Variants in NRG3 observed in about 807,000 individuals in gnomAD.
NRG3 encodes pro-neuregulin-3, membrane-bound isoform.
Under a neutral mutation model 66.9 loss-of-function variants are expected in NRG3, and 31 were observed. The observed-to-expected ratio is 0.46, with a 90% confidence interval of 0.35 to 0.63. The LOEUF (loss-of-function observed/expected upper bound fraction) is 0.63, where lower values mean the gene tolerates loss of function less well. Among genes scored for constraint, NRG3 ranks in the 20% least tolerant of loss-of-function variants. NRG3 has a pLI of 0.00. For missense variants in NRG3, 910 were observed against 878.9 expected (o/e 1.04, Z -0.45); for synonymous variants, 393 against 359.4 (o/e 1.09, Z -1.06).
rs748907527 is a variant in NRG3 at position 82,648,909 on chromosome 10, G to A, written c.954-89668G>A. Among the ~76,000 whole-genome samples, 115 of 152,126 alleles carry A rather than the reference G, an allele frequency of 7.6e-4. 1 individual carries two copies. The highest frequency in any genetic ancestry group is 2.1e-4 in the Non-Finnish European group (14 of 68,024). On this transcript the variant is annotated intron_variant, in intron 2 of 8. Coordinates refer to ENST00000372141, the MANE Select transcript of NRG3 (RefSeq NM_001010848.4). ...GATCAGCTTAAGGAGATTTTGGGCT[G>A]AGACAATGCAACAACCCTTCATGCT...
chr10:82,263,512 A>G (rs957915210), intron 1 of NRG3, among the ~76,000 whole-genome samples: 2 of 152,144 alleles, frequency 1.3e-5, no homozygotes, highest in Non-Finnish European at 2.9e-5. Context: ...ATTTTGCTGA[A>G]CTGATATAGT....
chr10:82,142,970 T>A (rs1305675673), intron 1 of NRG3, among the ~76,000 whole-genome samples: 1 of 148,282 alleles, frequency 6.7e-6, no homozygotes. Context: ...AGTCTCACTA[T>A]ATTTCCCAGG....
intron 2 of NRG3, among the ~76,000 whole-genome samples, chr10:82,458,662 G>C (rs2091378564): frequency 6.6e-6 from 1 of 152,166 alleles, no homozygotes; most frequent in African/African-American, 2.4e-5. Context: ...CTTGGAGTAA[G>C]ATAGACCTGG....
At chr10:81,957,079 A>G (rs1849908672) in intron 1 of NRG3, among the ~76,000 whole-genome samples, 1 of 152,170 alleles carries the variant, frequency 6.6e-6, no homozygotes, top group African/African-American at 2.4e-5. Flanking sequence ...CTTCTTGGAT[A>G]GGGTTATTAG....
chr10:82,921,591 TC>T (rs1481229317), intron 4 of NRG3, among the ~76,000 whole-genome samples: 1 of 152,206 alleles, frequency 6.6e-6, no homozygotes, highest in African/African-American at 2.4e-5. Context: ...CTAAAACTAT[TC>T]TAAAATAAAA....
chr10:82,377,049 A>G (rs2085286344), intron 2 of NRG3, among the ~76,000 whole-genome samples: 1 of 152,190 alleles, frequency 6.6e-6, no homozygotes, highest in South Asian at 2.1e-4. Context: ...GAATATGTGT[A>G]AGCTTGCCCC....
At chr10:82,771,354 A>T (rs1053782626) in intron 3 of NRG3, among the ~76,000 whole-genome samples, 1 of 152,200 alleles carries the variant, frequency 6.6e-6, no homozygotes, top group Admixed American at 6.6e-5. Context: ...AAAAGAAGAC[A>T]TAAAATAAAG....
At chr10:82,603,005 G>A (rs553351935) in intron 2 of NRG3, among the ~76,000 whole-genome samples, 1 of 152,172 alleles carries the variant, frequency 6.6e-6, no homozygotes, top group Non-Finnish European at 1.5e-5. Flanking sequence ...AAGTAGAAGG[G>A]CAGTCAGTCT....
At chr10:82,968,452 T>C (rs2132533781) in intron 6 of NRG3, among the ~76,000 whole-genome samples, 1 of 152,322 alleles carries the variant, frequency 6.6e-6, no homozygotes. Context: ...ATCGCAATAA[T>C]TCAAACATAT....
chr10:82,844,893 G>A (rs569260746), intron 3 of NRG3, among the ~76,000 whole-genome samples: 55 of 152,200 alleles, frequency 3.6e-4, no homozygotes, highest in African/African-American at 1.3e-3. Context: ...GGTTGCTCAC[G>A]CCTGTAATCC....
chr10:82,013,361 C>T (rs1455347882), intron 1 of NRG3, among the ~76,000 whole-genome samples: 2 of 152,096 alleles, frequency 1.3e-5, no homozygotes, highest in Non-Finnish European at 2.9e-5. Flanking sequence ...GGGATTATTA[C>T]AATTCAAAGT....
At chr10:82,982,971 G>A (rs1038787266) in intron 8 of NRG3, among the ~76,000 whole-genome samples, 4 of 152,150 alleles carry the variant, frequency 2.6e-5, no homozygotes, top group Non-Finnish European at 5.9e-5. Context: ...AACCCTCAAA[G>A]TTTGGCGTGA....
At chr10:82,872,488 A>G (rs1022078937) in intron 4 of NRG3, among the ~76,000 whole-genome samples, 18 of 152,248 alleles carry the variant, frequency 1.2e-4, no homozygotes, top group African/African-American at 4.1e-4. Context: ...AGAATACTTC[A>G]TACAGTTTAA....
At chr10:81,909,244 T>A (rs991067190) in intron 1 of NRG3, among the ~76,000 whole-genome samples, 1 of 152,220 alleles carries the variant, frequency 6.6e-6, no homozygotes, top group African/African-American at 2.4e-5. Flanking sequence ...CTTTCTTTTT[T>A]AAAACACACT....
At chr10:81,993,840 A>C (rs896050091) in intron 1 of NRG3, among the ~76,000 whole-genome samples, 6 of 152,326 alleles carry the variant, frequency 3.9e-5, no homozygotes, top group African/African-American at 1.2e-4. Flanking sequence ...GAAGCGCAGA[A>C]GCATTGAGAA....
chr10:82,166,314 C>T (rs1009641157), intron 1 of NRG3, among the ~76,000 whole-genome samples: 5 of 152,144 alleles, frequency 3.3e-5, no homozygotes, highest in African/African-American at 7.2e-5. Flanking sequence ...CCACCAGGTC[C>T]GGCCTGATTG....
chr10:82,913,113 T>A (rs995035354), intron 4 of NRG3, among the ~76,000 whole-genome samples: 1 of 152,120 alleles, frequency 6.6e-6, no homozygotes, highest in Non-Finnish European at 1.5e-5. Flanking sequence ...TAGTCCCAGC[T>A]ACTCTGGAGG....
rs1168639269 is a variant in NRG3, at chr10:82,783,939, G to A, written c.1027+45289G>A. ...AAAAGAACAAAGCTGGAGGCATCAC[G>A]CTACCTGACTTCAAACTATACTACA... On this transcript the variant is annotated intron_variant, in intron 3 of 8. Transcript: ENST00000372141. Among the ~76,000 whole-genome samples the A allele has an allele frequency of 3.0e-3, 455 of 151,678 alleles. 2 individuals carry two copies. Among genetic ancestry groups the A allele is most frequent in the African/African-American group, 1.0e-2 (412 of 41,252 alleles).
At chr10:82,438,936 T>G (rs147067620) in intron 2 of NRG3, among the ~76,000 whole-genome samples, 271 of 152,172 alleles carry the variant, frequency 1.8e-3, no homozygotes, top group African/African-American at 6.1e-3. Flanking sequence ...TATGTTTTTT[T>G]TTTTTTCATA....
Sources: gnomAD v4.1 joint callset for allele counts (sites outside exome capture counted in the v4.1 genomes callset) on GRCh38, gnomAD v4.1.1 for gene constraint, MANE v1.5 for transcripts, NCBI Gene and HGNC (gene_info 2026-07-23, HGNC 2026-07-21) for gene names.